PKNOX2: variants seen among roughly 807,000 people sequenced by gnomAD.
The protein encoded by PKNOX2 is homeobox protein PKNOX2.
PKNOX2 carries 14 observed loss-of-function variants against 53.1 expected under a neutral mutation model. That is an observed-to-expected ratio of 0.26 (90% CI 0.17 to 0.41). The LOEUF (loss-of-function observed/expected upper bound fraction) is 0.41. Among genes scored for constraint, PKNOX2 ranks in the 10% least tolerant of loss-of-function variants. PKNOX2 has a pLI of 1.00. For missense variants in PKNOX2, 496 were observed against 602.8 expected (o/e 0.82, Z 1.85); for synonymous variants, 257 against 242.8 (o/e 1.06, Z -0.54).
chr11:125,189,065 G>A (rs1204430394), intron 1 of PKNOX2, among the ~76,000 whole-genome samples: 1 of 151,910 alleles, frequency 6.6e-6, no homozygotes, highest in African/African-American at 2.4e-5. Context: ...GCAAGAGAAG[G>A]CTGCGTTTTT....
At chr11:125,356,759 T>C (rs1278531254) in intron 4 of PKNOX2, among the ~76,000 whole-genome samples, 1 of 152,210 alleles carries the variant, frequency 6.6e-6, no homozygotes, top group East Asian at 1.9e-4. Flanking sequence ...GCAGATATCC[T>C]GGGGAAGCTG....
Position 125,429,002 on chromosome 11 carries a change from C to G in PKNOX2, c.937-10C>G, listed in dbSNP as rs1247977287. ...GCCCAGCCCTCACTAGTCTCCACCTCTCGTTTCAGCACCCCTACCCCACGG... is the reference window on the plus strand; with the variant it reads ...GCCCAGCCCTCACTAGTCTCCACCTGTCGTTTCAGCACCCCTACCCCACGG... On this transcript the variant is annotated splice_polypyrimidine_tract_variant and intron_variant, in intron 10 of 12. Transcript: ENST00000298282. 6.2e-7 allele frequency: 1 copy of G among 1,610,994 alleles called. No homozygotes were observed. Among genetic ancestry groups the G allele is most frequent in the Non-Finnish European group, 8.5e-7 (1 of 1,177,256 alleles).
chr11:125,350,686 G>A (rs924698158), intron 3 of PKNOX2, among the ~76,000 whole-genome samples: 3 of 152,130 alleles, frequency 2.0e-5, no homozygotes, highest in African/African-American at 7.2e-5. Flanking sequence ...AGGCCTCCAG[G>A]CAGCCACCCT....
At chr11:125,411,514 C>T in intron 9 of PKNOX2, 1 of 495,024 alleles carries the variant, frequency 2.0e-6, no homozygotes. Context: ...CTCTCTCCCC[C>T]CCTTCCCCAT....
Position 125,314,127 on chromosome 11 carries a change from G to A in PKNOX2, c.-129-17692G>A, listed in dbSNP as rs1196877901. On this transcript the variant is annotated intron_variant, in intron 2 of 12. Transcript: ENST00000298282. ...GGCTGCGGAGCCCTGTGGGTATGCA[G>A]AGGAGACCAGCCCTGACTCTGGGGA... Among the ~76,000 whole-genome samples the A allele has an allele frequency of 2.0e-5, 3 of 152,222 alleles. 1 individual carries two copies. The South Asian group carries it at 6.2e-4, about 32-fold the overall frequency.
At chr11:125,205,802 T>C (rs1177810004) in intron 1 of PKNOX2, among the ~76,000 whole-genome samples, 2 of 152,132 alleles carry the variant, frequency 1.3e-5, no homozygotes, top group Non-Finnish European at 2.9e-5. Flanking sequence ...AAAATACACA[T>C]GTAACCTAAC....
intron 12 of PKNOX2, among the ~76,000 whole-genome samples, chr11:125,430,422 C>A (rs1435039245): frequency 1.3e-5 from 2 of 152,220 alleles, no homozygotes; most frequent in Admixed American, 1.3e-4. Context: ...ATCTGAGTTC[C>A]TTAGCACCAG....
chr11:125,345,220 C>T (rs1346674427), intron 3 of PKNOX2, among the ~76,000 whole-genome samples: 1 of 152,180 alleles, frequency 6.6e-6, no homozygotes, highest in Non-Finnish European at 1.5e-5. Context: ...GAGCTTGCCC[C>T]TCTTCCCAAA....
intron 2 of PKNOX2, among the ~76,000 whole-genome samples, chr11:125,279,261 G>A (rs193279348): frequency 9.1e-4 from 139 of 152,300 alleles, no homozygotes; most frequent in African/African-American, 3.1e-3. Flanking sequence ...GAACTGGGCC[G>A]TGGTATCTCC....
intron 1 of PKNOX2, among the ~76,000 whole-genome samples, chr11:125,194,264 T>G (rs1957050823): frequency 6.6e-6 from 1 of 152,192 alleles, no homozygotes; most frequent in Non-Finnish European, 1.5e-5. Flanking sequence ...CTAAGAGCAG[T>G]TGGCATCCCC....
intron 2 of PKNOX2, among the ~76,000 whole-genome samples, chr11:125,244,820 G>A (rs1943434730): frequency 1.3e-5 from 2 of 152,176 alleles, no homozygotes; most frequent in Admixed American, 6.5e-5. Context: ...GCATCTGGGG[G>A]AGGGCAGGGT....
At chr11:125,300,816 T>C (rs1426154) in intron 2 of PKNOX2, among the ~76,000 whole-genome samples, 35,104 of 152,062 alleles carry the variant, frequency 0.23, 4,598 homozygotes, top group East Asian at 0.39. Flanking sequence ...AAGCTAAGCT[T>C]CCAGACTCAG....
chr11:125,374,605 G>A (rs1203378947), intron 5 of PKNOX2, among the ~76,000 whole-genome samples: 2 of 152,332 alleles, frequency 1.3e-5, no homozygotes, highest in East Asian at 3.9e-4. Flanking sequence ...CCCAGAGGCT[G>A]CAGCTGTCTT....
intron 1 of PKNOX2, among the ~76,000 whole-genome samples, chr11:125,216,186 GA>G (rs1412249647): frequency 6.6e-6 from 1 of 152,214 alleles, no homozygotes; most frequent in African/African-American, 2.4e-5. Context: ...TGCTCAAGGA[GA>G]AAATCCTTAG....
chr11:125,171,668 C>A (rs1243347521), intron 1 of PKNOX2, among the ~76,000 whole-genome samples: 1 of 152,194 alleles, frequency 6.6e-6, no homozygotes, highest in Non-Finnish European at 1.5e-5. Context: ...GAGGATTACC[C>A]CTTTCCCTTT....
intron 1 of PKNOX2, among the ~76,000 whole-genome samples, chr11:125,205,823 C>A (rs1024258814): frequency 3.9e-5 from 6 of 152,080 alleles, no homozygotes; most frequent in Admixed American, 2.0e-4. Context: ...CCCTAACTTC[C>A]ATCTTCAAGG....
chr11:125,322,325 G>T (rs1218166041), intron 2 of PKNOX2, among the ~76,000 whole-genome samples: 1 of 152,200 alleles, frequency 6.6e-6, no homozygotes, highest in Non-Finnish European at 1.5e-5. Context: ...TGCAGAGAAA[G>T]ACCGAGCTTT....
At chr11:125,308,161 C>G (rs1232720378) in intron 2 of PKNOX2, among the ~76,000 whole-genome samples, 1 of 152,202 alleles carries the variant, frequency 6.6e-6, no homozygotes. Flanking sequence ...GGATGGCCTT[C>G]CTTAGAATGT....
intron 3 of PKNOX2, among the ~76,000 whole-genome samples, chr11:125,337,803 G>A (rs2136137898): frequency 6.6e-6 from 1 of 152,260 alleles, no homozygotes; most frequent in South Asian, 2.1e-4. Context: ...CAGTAAATGA[G>A]GCCTGGATTT....
Sources: allele counts gnomAD v4.1 joint callset (sites outside exome capture counted in the v4.1 genomes callset), GRCh38; gene constraint gnomAD v4.1.1; transcripts MANE v1.5; gene names NCBI Gene and HGNC (gene_info 2026-07-23, HGNC 2026-07-21).